The following BRD4 variants were observed in gnomAD, a reference collection of about 807,000 sequenced individuals.
The protein encoded by BRD4 is bromodomain containing 4.
BRD4 carries 16 observed loss-of-function variants against 142.1 expected under a neutral mutation model. That is an observed-to-expected ratio of 0.11 (90% CI 0.08 to 0.17). The LOEUF (loss-of-function observed/expected upper bound fraction) is 0.17, where lower values mean the gene tolerates loss of function less well. Among genes scored for constraint, BRD4 ranks in the 10% least tolerant of loss-of-function variants. The probability of loss-of-function intolerance (pLI) is 1.00; values close to 1 mark genes in which losing one functional copy is unlikely to be tolerated. For synonymous variants in BRD4, 833 were observed against 707.5 expected (o/e 1.18, Z -2.82); for missense variants, 1,424 against 1,810.9 (o/e 0.79, Z 3.88).
At chr19:15,262,538 A>AG (rs1461989843) in intron 7 of BRD4, among the ~76,000 whole-genome samples, 5 of 141,640 alleles carry the variant, frequency 3.5e-5, no homozygotes, top group Admixed American at 2.7e-4. Context: ...AAAAAAAAAA[A>AG]AAAAGAAAAA....
At chr19:15,244,926 G>A (rs190735287) in intron 11 of BRD4, 164 bp from the exon 12 acceptor site, 6 of 1,275,434 alleles carry the variant, frequency 4.7e-6, no homozygotes, top group Non-Finnish European at 5.3e-6. Context: ...TCACGGGAGA[G>A]GGAGAGACAT....
intron 1 of BRD4, among the ~76,000 whole-genome samples, chr19:15,313,009 T>C (rs1599519202): frequency 1.3e-5 from 2 of 151,642 alleles, no homozygotes; most frequent in Non-Finnish European, 2.9e-5. Context: ...AGGGTGGAGG[T>C]TGCCATGAGC....
rs962813793 is a variant in BRD4 at position 15,254,315 on chromosome 19, G to A, written c.2048-53C>T. 197 of 1,483,922 alleles carry A rather than the reference G, an allele frequency of 1.3e-4. No homozygotes were observed. The South Asian group carries it at 1.4e-3, about 11-fold the overall frequency. 91.9% of individuals were successfully genotyped at this position (1,483,922 alleles called of 1,614,324 possible). A position where few individuals can be genotyped will look rare whatever the true frequency, so the allele number is the denominator to read the frequency against. Reference sequence around the variant, plus strand: ...AGGCAGGGCTGTGGCCCAGGAAGCCGCTCTAAGCCATGGGCACACCCCATC... The same window carrying A: ...AGGCAGGGCTGTGGCCCAGGAAGCCACTCTAAGCCATGGGCACACCCCATC... On this transcript the variant is annotated intron_variant, in intron 10 of 19. Coordinates refer to ENST00000679869, the MANE Select transcript of BRD4 (RefSeq NM_001379291.1).
At chr19:15,255,624 A>T (rs776665834) in intron 9 of BRD4, 32 bp from the exon 10 acceptor site, 1 of 1,564,672 alleles carries the variant, frequency 6.4e-7, no homozygotes, top group Admixed American at 1.8e-5. Context: ...ACCATCAAGA[A>T]CGGGCCCCCT....
intron 1 of BRD4, among the ~76,000 whole-genome samples, chr19:15,293,829 G>C (rs560164432): frequency 6.6e-6 from 1 of 152,172 alleles, no homozygotes; most frequent in Non-Finnish European, 1.5e-5. Context: ...CCTCCTGCTC[G>C]TGGTAACCAC....
intron 11 of BRD4, chr19:15,253,819 T>A (rs1233075254): frequency 6.5e-7 from 1 of 1,547,686 alleles, no homozygotes; most frequent in East Asian, 2.3e-5. Context: ...CAGCACAGCC[T>A]GGACCCCCAC....
intron 1 of BRD4, among the ~76,000 whole-genome samples, chr19:15,318,592 C>T (rs556819648): frequency 3.3e-4 from 51 of 152,272 alleles, no homozygotes; most frequent in Non-Finnish European, 6.0e-4. Flanking sequence ...GCAAATGTCC[C>T]GCAGCACAGG....
rs566825179 is a variant in BRD4, at chr19:15,279,324, T to C, written c.-34-6191A>G. ...AATCTAGTCAATAGTTCAGACAAAT[T>C]AGAAATCTAACAAAAGATATAGAAA... On this transcript the variant is annotated intron_variant, in intron 1 of 19. Coordinates refer to ENST00000679869, the MANE Select transcript of BRD4 (RefSeq NM_001379291.1). Among the ~76,000 whole-genome samples, 6 of 152,232 alleles carry C rather than the reference T, an allele frequency of 3.9e-5. No homozygotes were observed. In the East Asian group the frequency reaches 7.7e-4, roughly 20 times the overall value.
chr19:15,253,832 C>G (rs1374557493), intron 11 of BRD4: 2 of 1,485,770 alleles, frequency 1.3e-6, no homozygotes, highest in Non-Finnish European at 1.8e-6. Flanking sequence ...ACCCCCACGC[C>G]CACAGTCCTC....
intron 1 of BRD4, among the ~76,000 whole-genome samples, chr19:15,303,140 T>C (rs886788815): frequency 3.3e-5 from 5 of 151,974 alleles, no homozygotes; most frequent in Non-Finnish European, 7.4e-5. Context: ...TAATACACAG[T>C]CCATGTAGGG....
Position 15,238,732 on chromosome 19 carries a change from T to G in BRD4, c.4020+11A>C. On this transcript the variant is annotated intron_variant, in intron 19 of 19. Coordinates refer to ENST00000679869, the MANE Select transcript of BRD4 (RefSeq NM_001379291.1). The surrounding 1 kb of genome is among the most constrained non-coding windows in gnomAD (Gnocchi z 7.2). ...CTTAGACCAGGGTCCCCACCAGGCC[T>G]CCAGACTCACGGCTTCCCGGCGTCT... The G allele has an allele frequency of 6.6e-7, 1 of 1,522,198 alleles. No homozygotes were observed. Among genetic ancestry groups the G allele is most frequent in the African/African-American group, 1.4e-5 (1 of 72,762 alleles). The allele number at this position is 1,522,198 out of a possible 1,614,324, so 94.3% of individuals were successfully genotyped here.
rs1285498623 is a variant in BRD4, at chr19:15,255,469, G to A, written c.1875C>T (p.Leu625=). 4 of 1,614,168 alleles carry A rather than the reference G, an allele frequency of 2.5e-6. No individual in the cohort carries two copies. The change falls in exon 10 of 20, where the codon CTC becomes CTT. Residue 625 remains leucine (L), a synonymous_variant. Transcript: ENST00000679869. Reference sequence around the variant, plus strand: ...CCACGCGGCCCAGCTTCTCGCCGGGGAGCTTGTTGATGTCCAAGCTGAGCT... The same window carrying A: ...CCACGCGGCCCAGCTTCTCGCCGGGAAGCTTGTTGATGTCCAAGCTGAGCT... ...KRQLSLDINK[L]PGEKLGRVVH...
intron 1 of BRD4, among the ~76,000 whole-genome samples, chr19:15,301,301 G>A (rs866196114): frequency 6.6e-6 from 1 of 152,194 alleles, no homozygotes; most frequent in Non-Finnish European, 1.5e-5. Context: ...GGTGGCTCAC[G>A]CCTGTAATCC....
At chr19:15,286,528 T>C (rs924342153) in intron 1 of BRD4, among the ~76,000 whole-genome samples, 8 of 152,290 alleles carry the variant, frequency 5.3e-5, no homozygotes, top group East Asian at 1.9e-4. Context: ...GGAGCCACAT[T>C]AACAGAGAAA....
chr19:15,311,593 C>A (rs1599517328), intron 1 of BRD4, among the ~76,000 whole-genome samples: 1 of 151,586 alleles, frequency 6.6e-6, no homozygotes, highest in East Asian at 1.9e-4. Context: ...GAGTTCAAGA[C>A]CAACCTGGCC....
chr19:15,307,976 T>C (rs1224352466), intron 1 of BRD4, among the ~76,000 whole-genome samples: 1 of 151,234 alleles, frequency 6.6e-6, no homozygotes, highest in African/African-American at 2.4e-5. Flanking sequence ...TAACTGGGCA[T>C]GGTGGCGGGC....
chr19:15,326,357 C>G (rs2048108252), intron 1 of BRD4, among the ~76,000 whole-genome samples: 1 of 151,782 alleles, frequency 6.6e-6, no homozygotes, highest in African/African-American at 2.4e-5. Flanking sequence ...GTCCCAGCTA[C>G]TTGGGAGGCT....
At chr19:15,253,309 C>T (rs2145560878) in intron 11 of BRD4, 1 of 567,642 alleles carries the variant, frequency 1.8e-6, no homozygotes, top group South Asian at 2.2e-5. Context: ...CCAGCCTGAG[C>T]ATCTGCGCCC....
intron 14 of BRD4, 43 bp from the exon 15 acceptor site, chr19:15,240,065 A>C (rs746556992): frequency 6.4e-6 from 10 of 1,567,954 alleles, no homozygotes; most frequent in Non-Finnish European, 8.6e-6. Flanking sequence ...CTGGCTTAGA[A>C]CTGCTGGCCC....
Sources: gnomAD v4.1 joint callset for allele counts (sites outside exome capture counted in the v4.1 genomes callset) on GRCh38, gnomAD v4.1.1 for gene constraint, Gnocchi (gnomAD v3.1) non-coding constraint, MANE v1.5 for transcripts, NCBI Gene and HGNC (gene_info 2026-07-23, HGNC 2026-07-21) for gene names.